Variants in COL15A1 observed in about 807,000 individuals in gnomAD.
COL15A1 encodes collagen alpha-1(XV) chain.
In COL15A1, 111 loss-of-function variants were observed where a neutral mutation model predicts 165.9. The observed-to-expected ratio is 0.67, with a 90% CI of 0.57 to 0.78. The LOEUF (loss-of-function observed/expected upper bound fraction) is 0.78. Ranked by LOEUF, COL15A1 falls within the 30% of genes least tolerant of loss-of-function variation. COL15A1 has a pLI of 0.00. For missense variants in COL15A1, 1,745 were observed against 1,789.7 expected (o/e 0.98, Z 0.45); for synonymous variants, 659 against 674.8 (o/e 0.98, Z 0.36).
In COL15A1 at chr9:98,986,099, T is replaced by C; in HGVS notation, c.635T>C (p.Leu212Pro). The C allele has an allele frequency of 6.2e-7, 1 of 1,612,468 alleles. No homozygotes were observed. The highest frequency in any genetic ancestry group is 1.7e-5 in the Admixed American group (1 of 60,004). The change falls in exon 3 of 42, where the codon CTC becomes CCC. Residue 212 changes from leucine (L) to proline (P), a missense_variant. Transcript: ENST00000375001. ...ATGGGCAATGCAGGAGCTACAGGGC[T>C]CGAGAGATTCACTGTGAGTTAAAGT... ...IFMGNAGATG[L>P]ERFTGSLQQL...
At chr9:99,040,582 A>C in intron 23 of COL15A1, 26 bp downstream of exon 23, 3 of 1,614,178 alleles carry the variant, frequency 1.9e-6, no homozygotes, top group Non-Finnish European at 1.7e-6. Context: ...GCTGTCTTCT[A>C]TCTGTGCCCC....
At chr9:99,009,560 A>G (rs1838815960) in intron 9 of COL15A1, among the ~76,000 whole-genome samples, 1 of 152,222 alleles carries the variant, frequency 6.6e-6, no homozygotes, top group Non-Finnish European at 1.5e-5. Context: ...ATGGGACCTA[A>G]GTTAGAATTT....
intron 4 of COL15A1, among the ~76,000 whole-genome samples, 172 bp from the exon 5 acceptor site, chr9:98,989,006 C>A (rs545871739): frequency 6.8e-6 from 1 of 148,058 alleles, no homozygotes; most frequent in African/African-American, 2.5e-5. Context: ...CTCCTTAACC[C>A]CACTCCGTCT....
Position 99,059,886 on chromosome 9 carries a change from T to C in COL15A1, c.3338-3T>C, listed in dbSNP as rs1252872607. On this transcript the variant is annotated splice_region_variant and splice_polypyrimidine_tract_variant and intron_variant, in intron 35 of 41. Transcript: ENST00000375001. ...GTAACTTCTCTTTTCTGTTTTGTCT[T>C]AGCTGTGGCCCTTCCAGGTCCCCCT... is the stretch of plus-strand genomic sequence containing the variant. 1.2e-6 allele frequency: 2 copies of C among 1,613,366 alleles called. No homozygotes were observed. The highest frequency in any genetic ancestry group is 1.7e-6 in the Non-Finnish European group (2 of 1,179,842).
intron 2 of COL15A1, among the ~76,000 whole-genome samples, chr9:98,979,516 C>A (rs114868498): frequency 7.2e-5 from 11 of 151,978 alleles, no homozygotes; most frequent in African/African-American, 2.4e-4. Context: ...ATTTTCTATT[C>A]TTTGCCCATT....
intron 27 of COL15A1, 27 bp downstream of exon 27, chr9:99,047,866 C>A (rs757871161): frequency 1.4e-5 from 23 of 1,612,946 alleles, no homozygotes; most frequent in Non-Finnish European, 1.0e-5. Context: ...ATTGGACAGG[C>A]TGGAGGGGGA....
At chr9:99,038,996 C>G (rs1588528330) in intron 22 of COL15A1, among the ~76,000 whole-genome samples, 1 of 152,198 alleles carries the variant, frequency 6.6e-6, no homozygotes, top group East Asian at 1.9e-4. Context: ...TGCTAAGTAA[C>G]AAACAGATGA....
intron 35 of COL15A1, among the ~76,000 whole-genome samples, chr9:99,058,912 C>T (rs1419016940): frequency 2.0e-5 from 3 of 152,126 alleles, no homozygotes; most frequent in Non-Finnish European, 4.4e-5. Flanking sequence ...TATAATTTTA[C>T]TGGGGCTTGT....
At chr9:99,068,029 A>G (rs140031571) in intron 40 of COL15A1, among the ~76,000 whole-genome samples, 112 of 152,340 alleles carry the variant, frequency 7.4e-4, no homozygotes, top group African/African-American at 2.6e-3. Context: ...AAATTCCCTC[A>G]AGAAATAAGA....
intron 2 of COL15A1, among the ~76,000 whole-genome samples, chr9:98,975,242 G>A (rs1838124574): frequency 6.6e-6 from 1 of 152,248 alleles, no homozygotes; most frequent in Non-Finnish European, 1.5e-5. Flanking sequence ...CTGGGCTCAG[G>A]TCCCAGATGA....
At chr9:99,014,879 G>A (rs1016797991) in intron 9 of COL15A1, among the ~76,000 whole-genome samples, 1 of 152,180 alleles carries the variant, frequency 6.6e-6, no homozygotes, top group Non-Finnish European at 1.5e-5. Flanking sequence ...AAAGACAAAT[G>A]ATTGCATTCT....
intron 22 of COL15A1, 31 bp from the exon 23 acceptor site, chr9:99,040,490 T>C: frequency 1.9e-6 from 3 of 1,614,128 alleles, no homozygotes; most frequent in Non-Finnish European, 2.5e-6. Flanking sequence ...CCGCTCCTAA[T>C]CCAGCGTGCT....
At chr9:98,954,482 T>C (rs1837744297) in intron 2 of COL15A1, among the ~76,000 whole-genome samples, 1 of 152,232 alleles carries the variant, frequency 6.6e-6, no homozygotes, top group African/African-American at 2.4e-5. Flanking sequence ...AGACACCTTC[T>C]CTGGAACATT....
Position 98,985,987 on chromosome 9 carries a change from C to G in COL15A1, c.523C>G (p.Leu175Val). Reference protein sequence around the residue: ...AMIVQGEEVTLLVNCEEHSRI... With the variant: ...AMIVQGEEVTVLVNCEEHSRI... ...GATTGTCCAGGGTGAGGAAGTGACC[C>G]TCCTCGTGAACTGTGAGGAGCACAG... Residue 175 changes from leucine (L) to valine (V), a missense_variant, in exon 3 of 42, where the codon CTC (leucine) becomes GTC (valine). Physicochemically the swap from Leu to Val is conservative, Grantham distance 32. Transcript: ENST00000375001. 2 of 1,614,150 alleles carry G rather than the reference C, an allele frequency of 1.2e-6. No individual in the cohort carries two copies. The highest frequency in any genetic ancestry group is 1.7e-6 in the Non-Finnish European group (2 of 1,180,024).
intron 2 of COL15A1, among the ~76,000 whole-genome samples, chr9:98,979,823 C>T (rs2118866220): frequency 6.6e-6 from 1 of 152,208 alleles, no homozygotes; most frequent in East Asian, 1.9e-4. Flanking sequence ...GGCCAGCAAA[C>T]ACTTCCTCTC....
Position 99,054,635 on chromosome 9 carries a change from C to T in COL15A1, c.3010C>T (p.Gln1004Ter). ...LPGSKGEKGD[Q>*]GAQGPPGPPL... The stretch of plus-strand genomic sequence containing the variant: ...TGGCTCAAAGGGAGAAAAAGGCGAC[C>T]AGGGAGCCCAGGGACCACCAGGTAT... Residue 1004 changes from glutamine (Q) to a stop codon, truncating the protein, a stop_gained, in exon 32 of 42, where the codon CAG becomes TAG. Coordinates refer to ENST00000375001, the MANE Select transcript of COL15A1 (RefSeq NM_001855.5). LOFTEE classifies it high-confidence loss of function. 1 of 1,612,428 alleles carries T rather than the reference C, an allele frequency of 6.2e-7. No homozygotes were observed. The highest frequency in any genetic ancestry group is 8.5e-7 in the Non-Finnish European group (1 of 1,179,496).
chr9:98,968,897 G>C (rs1412613212), intron 2 of COL15A1, among the ~76,000 whole-genome samples: 1 of 152,172 alleles, frequency 6.6e-6, no homozygotes, highest in Non-Finnish European at 1.5e-5. Context: ...GGCTGGGGCA[G>C]AGAATTCTGC....
rs35934703 is a variant in COL15A1 at position 99,005,033 on chromosome 9, G to C, written c.1336G>C (p.Gly446Arg). The C allele has an allele frequency of 6.2e-7, 1 of 1,609,486 alleles. No individual in the cohort carries two copies. Among genetic ancestry groups the C allele is most frequent in the African/African-American group, 1.3e-5 (1 of 74,750 alleles). Residue 446 changes from glycine to arginine, a missense_variant, in exon 9 of 42, where the codon GGG (glycine) becomes CGG (arginine). Gly to Arg is a moderately radical substitution (Grantham distance 125, BLOSUM62 -2). Transcript: ENST00000375001. ...CCTCTCCATGTCCGCCCAGAGCCTC[G>C]GGGAAGAGGCCACTGTGGTAAGGAT... ...LDLSMSAQSLGEEATVGPSSE... is the reference protein window; with the variant it reads ...LDLSMSAQSLREEATVGPSSE...
chr9:98,985,271 T>A (rs1038689460), intron 2 of COL15A1, among the ~76,000 whole-genome samples: 1 of 152,172 alleles, frequency 6.6e-6, no homozygotes, highest in African/African-American at 2.4e-5. Context: ...AGAAAAAGAA[T>A]AATTAAATGA....
Sources: allele counts gnomAD v4.1 joint callset (sites outside exome capture counted in the v4.1 genomes callset), GRCh38; gene constraint gnomAD v4.1.1; transcripts MANE v1.5; gene names NCBI Gene and HGNC (gene_info 2026-07-23, HGNC 2026-07-21).